The following STX8 variants were observed in gnomAD, a reference collection of about 807,000 sequenced individuals.
STX8 encodes syntaxin 8.
Under a neutral mutation model 37.5 loss-of-function variants are expected in STX8, and 23 were observed. That is an observed-to-expected ratio of 0.61 (90% CI 0.44 to 0.87). The LOEUF (loss-of-function observed/expected upper bound fraction) is 0.87, where lower values mean the gene tolerates loss of function less well. STX8 is among the 40% of genes least tolerant of loss of function. The probability of loss-of-function intolerance (pLI) is 0.00; values close to 1 mark genes in which losing one functional copy is unlikely to be tolerated. For synonymous variants in STX8, 115 were observed against 99.1 expected (o/e 1.16, Z -0.95); for missense variants, 313 against 284.7 (o/e 1.10, Z -0.71).
At chr17:9,488,791 TAAGA>T (rs1363852398) in intron 6 of STX8, among the ~76,000 whole-genome samples, 3 of 145,356 alleles carry the variant, frequency 2.1e-5, no homozygotes, top group Admixed American at 7.0e-5. Flanking sequence ...TGTAAGACAT[TAAGA>T]GAGAAAGAGA....
At position 9,570,411 on chromosome 17, in the gene STX8, A is replaced by G. The variant is rs73252157; in HGVS notation, c.18-1941T>C. Among the ~76,000 whole-genome samples, 341 of 152,112 alleles carry G rather than the reference A, an allele frequency of 2.2e-3. 2 individuals are homozygous for G. The highest frequency in any genetic ancestry group is 7.9e-3 in the African/African-American group (327 of 41,514). On this transcript the variant is annotated intron_variant, in intron 1 of 7. Transcript: ENST00000306357. Reference sequence around the variant, plus strand: ...AAGCAGCACCATTCATGTATATATCATATATATATCACACACATTCACATA... The same window carrying G: ...AAGCAGCACCATTCATGTATATATCGTATATATATCACACACATTCACATA...
chr17:9,478,464 G>A (rs140591219), intron 6 of STX8, among the ~76,000 whole-genome samples: 61 of 152,228 alleles, frequency 4.0e-4, no homozygotes, highest in African/African-American at 1.4e-3. Flanking sequence ...GCCGACTTAC[G>A]GTCTTTTGTA....
chr17:9,546,590 G>GTTTTTTTTTTTTTTTTTTTTT lies in STX8; in HGVS notation c.213-1309_213-1308insAAAAAAAAAAAAAAAAAAAAA, dbSNP rs745424722. ...CTTTCTTGATGCAAACTACAAAAGT[G>GTTTTTTTTTTTTTTTTTTTTT]GTTTTTTTTTTTTTTTTTTTTTTTT... On this transcript the variant is annotated intron_variant, in intron 3 of 7. Transcript: ENST00000306357. Among the ~76,000 whole-genome samples the GTTTTTTTTTTTTTTTTTTTTT allele has an allele frequency of 1.4e-3, 87 of 62,196 alleles. 8 individuals carry two copies. Among genetic ancestry groups the GTTTTTTTTTTTTTTTTTTTTT allele is most frequent in the East Asian group, 1.9e-3 (3 of 1,608 alleles). The allele number at this position is 62,196 out of a possible 152,430, so 40.8% of individuals were successfully genotyped here. A position where few individuals can be genotyped will look rare whatever the true frequency, so the allele number is the denominator to read the frequency against.
chr17:9,447,300 A>T (rs1438724022), intron 6 of STX8, among the ~76,000 whole-genome samples: 2 of 152,266 alleles, frequency 1.3e-5, no homozygotes, highest in Admixed American at 1.3e-4. Context: ...ATTTTAAATT[A>T]CAAGAATGAA....
At chr17:9,391,261 C>T (rs949525483) in intron 6 of STX8, among the ~76,000 whole-genome samples, 1 of 148,360 alleles carries the variant, frequency 6.7e-6, no homozygotes, top group African/African-American at 2.6e-5. Flanking sequence ...CGAGACCAGC[C>T]CGGCCAACAT....
intron 7 of STX8, among the ~76,000 whole-genome samples, chr17:9,296,034 CA>C (rs1908521380): frequency 6.6e-6 from 1 of 152,048 alleles, no homozygotes; most frequent in African/African-American, 2.4e-5. Context: ...GCTAAAAATA[CA>C]AAAAATTAGC....
chr17:9,305,607 C>G (rs1033899944), intron 7 of STX8: 4 of 151,984 alleles, frequency 2.6e-5, no homozygotes, highest in African/African-American at 9.7e-5. Flanking sequence ...TGAGGAGCAC[C>G]TCTATATGCA....
intron 6 of STX8, among the ~76,000 whole-genome samples, chr17:9,445,082 A>C (rs1247401471): frequency 6.6e-6 from 1 of 152,158 alleles, no homozygotes; most frequent in East Asian, 1.9e-4. Context: ...AGGGAAGCTG[A>C]GCAGGTTGCA....
At chr17:9,274,686 A>G (rs1907599673) in intron 7 of STX8, among the ~76,000 whole-genome samples, 1 of 125,632 alleles carries the variant, frequency 8.0e-6, no homozygotes, top group Non-Finnish European at 1.7e-5. Flanking sequence ...AAAAATAATA[A>G]TAATAATAAT....
chr17:9,366,355 C>T (rs1911229067), intron 7 of STX8, among the ~76,000 whole-genome samples: 1 of 152,220 alleles, frequency 6.6e-6, no homozygotes, highest in Non-Finnish European at 1.5e-5. Flanking sequence ...CCTCAGCCTC[C>T]TGGGTAGCTG....
intron 7 of STX8, among the ~76,000 whole-genome samples, chr17:9,363,945 A>T (rs1240167489): frequency 6.6e-6 from 1 of 152,166 alleles, no homozygotes; most frequent in Non-Finnish European, 1.5e-5. Flanking sequence ...CAAAGGCTTC[A>T]ATTTGCCTGG....
intron 6 of STX8, among the ~76,000 whole-genome samples, chr17:9,435,581 C>G (rs1248086558): frequency 6.6e-6 from 1 of 152,108 alleles, no homozygotes; most frequent in Non-Finnish European, 1.5e-5. Context: ...TTAAAGAGCA[C>G]CTAGAACCAT....
Position 9,448,779 on chromosome 17 carries a change from C to T in STX8, c.541+43050G>A, listed in dbSNP as rs145647761. 1.8e-4 allele frequency among the ~76,000 whole-genome samples: 27 copies of T among 152,190 alleles called. 1 individual carries two copies. The East Asian group carries it at 4.6e-3, about 26-fold the overall frequency. On this transcript the variant is annotated intron_variant, in intron 6 of 7. Coordinates refer to ENST00000306357, the MANE Select transcript of STX8 (RefSeq NM_004853.3). The stretch of plus-strand genomic sequence containing the variant: ...TCAGTATGCACTAACTTGGTGTTCA[C>T]GGTGACTTTACAGAACATGAGCGCC...
At chr17:9,324,120 TCTCTCTCA>T (rs1909671822) in intron 7 of STX8, among the ~76,000 whole-genome samples, 1 of 133,664 alleles carries the variant, frequency 7.5e-6, no homozygotes, top group African/African-American at 2.9e-5. Context: ...TCTCTCTCTC[TCTCTCTCA>T]CACACACACA....
intron 7 of STX8, among the ~76,000 whole-genome samples, chr17:9,301,119 A>G (rs1340638398): frequency 6.6e-6 from 1 of 152,086 alleles, no homozygotes; most frequent in Admixed American, 6.6e-5. Flanking sequence ...GACGTGAGCC[A>G]CCACTCCTGG....
At chr17:9,252,167 G>A (rs1339349299) in intron 7 of STX8, among the ~76,000 whole-genome samples, 5 of 151,858 alleles carry the variant, frequency 3.3e-5, no homozygotes, top group Admixed American at 1.3e-4. Flanking sequence ...AAAATTGGCC[G>A]GGCGCAGTGG....
intron 2 of STX8, among the ~76,000 whole-genome samples, chr17:9,564,930 G>A (rs1285839187): frequency 1.3e-5 from 2 of 152,304 alleles, no homozygotes; most frequent in African/African-American, 2.4e-5. Flanking sequence ...AAGCTGGGCC[G>A]GGCGCAGTGG....
intron 3 of STX8, among the ~76,000 whole-genome samples, chr17:9,546,560 A>ACTAGCTTT (rs1362138354): frequency 6.2e-4 from 82 of 132,710 alleles, no homozygotes; most frequent in African/African-American, 2.2e-3. Context: ...AGTTTTATAT[A>ACTAGCTTT]CTAGCTTTCT....
chr17:9,420,487 G>A (rs954938754), intron 6 of STX8, among the ~76,000 whole-genome samples: 3 of 151,794 alleles, frequency 2.0e-5, no homozygotes, highest in Non-Finnish European at 4.4e-5. Context: ...TGCTGCCACC[G>A]TGGCCCGCCC....
Sources: gnomAD v4.1 joint callset for allele counts (sites outside exome capture counted in the v4.1 genomes callset) on GRCh38, gnomAD v4.1.1 for gene constraint, MANE v1.5 for transcripts, NCBI Gene and HGNC (gene_info 2026-07-23, HGNC 2026-07-21) for gene names.